Variants in CADM2 observed in about 807,000 individuals in gnomAD.
CADM2 encodes immunoglobulin superfamily member 4D.
In CADM2, 12 loss-of-function variants were observed where a neutral mutation model predicts 49.8. The observed-to-expected ratio is 0.24, with a 90% CI of 0.15 to 0.39. The LOEUF (loss-of-function observed/expected upper bound fraction) is 0.39, where lower values mean the gene tolerates loss of function less well. CADM2 is among the 10% of genes least tolerant of loss of function. CADM2 has a pLI of 1.00. For synonymous variants in CADM2, 214 were observed against 175.4 expected, an observed-to-expected ratio of 1.22 and a Z score of -1.74; for missense variants, 378 against 492.3, an observed-to-expected ratio of 0.77 and a Z score of 2.20.
intron 1 of CADM2, among the ~76,000 whole-genome samples, chr3:85,574,986 AGAGT>A (rs2062590330): frequency 6.6e-6 from 1 of 152,106 alleles, no homozygotes; most frequent in South Asian, 2.1e-4. Context: ...AGACTATAGG[AGAGT>A]GAGTCACCTT....
chr3:84,968,535 T>C (rs1026746924), intron 1 of CADM2, among the ~76,000 whole-genome samples: 9 of 152,012 alleles, frequency 5.9e-5, no homozygotes, highest in African/African-American at 1.9e-4. Flanking sequence ...GACTCCAATA[T>C]AGCAAGCAGT....
chr3:85,624,213 G>A (rs917419897), intron 1 of CADM2, among the ~76,000 whole-genome samples: 3 of 152,040 alleles, frequency 2.0e-5, no homozygotes, highest in South Asian at 2.1e-4. Flanking sequence ...TTGGTCAATA[G>A]CTCAGTTATT....
intron 1 of CADM2, among the ~76,000 whole-genome samples, chr3:85,119,429 G>A (rs576469193): frequency 1.7e-4 from 26 of 152,290 alleles, no homozygotes; most frequent in Non-Finnish European, 2.9e-5. Context: ...GTCAGGTAGT[G>A]TGATGCCTCC....
chr3:85,924,262 G>A (rs1719532412), intron 6 of CADM2, among the ~76,000 whole-genome samples: 1 of 151,894 alleles, frequency 6.6e-6, no homozygotes, highest in Admixed American at 6.6e-5. Flanking sequence ...TGTTTCAAAT[G>A]CACTTAAAAT....
chr3:85,150,482 A>G (rs960253551), intron 1 of CADM2, among the ~76,000 whole-genome samples: 6 of 152,114 alleles, frequency 3.9e-5, no homozygotes, highest in Non-Finnish European at 8.8e-5. Context: ...TTTTTTTTCC[A>G]ATGAAGACCA....
intron 7 of CADM2, among the ~76,000 whole-genome samples, chr3:85,960,972 T>G (rs535643625): frequency 6.8e-6 from 1 of 147,530 alleles, no homozygotes; most frequent in South Asian, 2.1e-4. Flanking sequence ...ATATATTTAA[T>G]ATTATTTATT....
At chr3:85,917,247 C>T (rs1264375386) in intron 6 of CADM2, among the ~76,000 whole-genome samples, 1 of 152,152 alleles carries the variant, frequency 6.6e-6, no homozygotes, top group African/African-American at 2.4e-5. Flanking sequence ...TTGCCCATGC[C>T]TGTGTCCTGA....
intron 1 of CADM2, among the ~76,000 whole-genome samples, chr3:85,239,118 C>T (rs73130743): frequency 0.043 from 6,513 of 151,834 alleles, 283 homozygotes; most frequent in Non-Finnish European, 0.056. Flanking sequence ...CCCTTTATCA[C>T]TCAATGTCAT....
intron 1 of CADM2, among the ~76,000 whole-genome samples, chr3:85,370,207 C>A (rs951797080): frequency 8.2e-6 from 1 of 121,692 alleles, no homozygotes; most frequent in East Asian, 2.4e-4. Flanking sequence ...GAACGAAACT[C>A]CTTTTCAAAA....
intron 1 of CADM2, among the ~76,000 whole-genome samples, chr3:85,698,969 A>G (rs1439990422): frequency 6.6e-6 from 1 of 152,148 alleles, no homozygotes; most frequent in East Asian, 1.9e-4. Flanking sequence ...AAAATAAAAA[A>G]CAAGTTAGTT....
At chr3:85,195,013 T>A (rs542577000) in intron 1 of CADM2, among the ~76,000 whole-genome samples, 1 of 152,034 alleles carries the variant, frequency 6.6e-6, no homozygotes, top group African/African-American at 2.4e-5. Flanking sequence ...TGGCTCTGCA[T>A]TTTTAACCGG....
chr3:85,431,934 T>A, intron 1 of CADM2, among the ~76,000 whole-genome samples: 1 of 122,396 alleles, frequency 8.2e-6, no homozygotes, highest in African/African-American at 2.9e-5. Flanking sequence ...TTTTATAGAG[T>A]AGGCTAGGAA....
At chr3:85,251,123 T>A (rs1323409982) in intron 1 of CADM2, among the ~76,000 whole-genome samples, 1 of 151,902 alleles carries the variant, frequency 6.6e-6, no homozygotes, top group Non-Finnish European at 1.5e-5. Flanking sequence ...TCCATTTTTC[T>A]ACTAGAACAG....
intron 1 of CADM2, among the ~76,000 whole-genome samples, chr3:85,314,593 T>C (rs939722978): frequency 8.5e-5 from 13 of 152,186 alleles, no homozygotes; most frequent in African/African-American, 2.9e-4. Context: ...ATGCTCATTC[T>C]TGGATGTAAG....
chr3:84,982,737 A>ATATATATATAGT (rs1553663805), intron 1 of CADM2, among the ~76,000 whole-genome samples: 2 of 115,378 alleles, frequency 1.7e-5, no homozygotes, highest in Non-Finnish European at 1.7e-5. Context: ...ATATATATAC[A>ATATATATATAGT]TTTTTTGTTT....
At chr3:85,758,892 A>T (rs1257234905) in intron 2 of CADM2, among the ~76,000 whole-genome samples, 3 of 152,068 alleles carry the variant, frequency 2.0e-5, no homozygotes, top group Admixed American at 6.6e-5. Flanking sequence ...TATGAATATA[A>T]ATTTTAATAT....
intron 8 of CADM2, among the ~76,000 whole-genome samples, chr3:86,065,248 C>G (rs1739169843): frequency 6.6e-6 from 1 of 152,108 alleles, no homozygotes; most frequent in Admixed American, 6.5e-5. Context: ...AACTTGATAA[C>G]AGTATAGTTT....
chr3:85,768,771 CATATATACATATATAGT>C (rs1249311527), intron 2 of CADM2, among the ~76,000 whole-genome samples: 4 of 132,192 alleles, frequency 3.0e-5, no homozygotes, highest in African/African-American at 5.7e-5. Context: ...TATATATACA[CATATATACATATATAGT>C]ATATATACAC....
At chr3:85,252,128 A>G (rs889317185) in intron 1 of CADM2, among the ~76,000 whole-genome samples, 8 of 151,992 alleles carry the variant, frequency 5.3e-5, no homozygotes, top group Non-Finnish European at 1.2e-4. Context: ...TATTCTGACT[A>G]TGGTTCTCAT....
Sources: gnomAD v4.1 joint callset for allele counts (sites outside exome capture counted in the v4.1 genomes callset) on GRCh38, gnomAD v4.1.1 for gene constraint, MANE v1.5 for transcripts, NCBI Gene and HGNC (gene_info 2026-07-23, HGNC 2026-07-21) for gene names.